WDR17: variants seen among roughly 807,000 people sequenced by gnomAD.
WDR17 encodes WD repeat-containing protein 17.
A neutral mutation model predicts 161.7 loss-of-function variants in WDR17; 143 were observed. The ratio of observed to expected loss-of-function variants is 0.88; its 90% CI spans 0.77 to 1.02. WDR17 has a LOEUF of 1.02. Ranked by LOEUF, WDR17 falls within the 50% of genes least tolerant of loss-of-function variation. WDR17 has a pLI of 0.00. For missense variants in WDR17, 1,469 were observed against 1,520.9 expected (o/e 0.97, Z 0.57); for synonymous variants, 517 against 515.6 (o/e 1.00, Z -0.04).
At chr4:176,133,104 A>AAAATATAC (rs1244655711) in intron 7 of WDR17, among the ~76,000 whole-genome samples, 1 of 151,464 alleles carries the variant, frequency 6.6e-6, no homozygotes, top group East Asian at 1.9e-4. Flanking sequence ...GAAAAAAGAA[A>AAAATATAC]AAATATACTA....
At chr4:176,155,720 T>C (rs1748008124) in intron 17 of WDR17, among the ~76,000 whole-genome samples, 1 of 145,170 alleles carries the variant, frequency 6.9e-6, no homozygotes, top group African/African-American at 2.5e-5. Flanking sequence ...AATTAAAATA[T>C]ATATATATAT....
chr4:176,081,121 A>T (rs537342327), intron 1 of WDR17, among the ~76,000 whole-genome samples: 15 of 152,176 alleles, frequency 9.9e-5, no homozygotes, highest in Non-Finnish European at 1.9e-4. Context: ...TCATCTACTT[A>T]TACATGTTTT....
intron 4 of WDR17, among the ~76,000 whole-genome samples, chr4:176,120,319 TAA>T (rs1554023203): frequency 8.6e-5 from 12 of 138,756 alleles, no homozygotes; most frequent in African/African-American, 3.2e-4. Flanking sequence ...TATATATATA[TAA>T]TACATTCAAC....
intron 7 of WDR17, 146 bp from the exon 8 acceptor site, chr4:176,134,962 A>G (rs1744159885): frequency 1.4e-6 from 1 of 730,824 alleles, no homozygotes; most frequent in Non-Finnish European, 2.2e-6. Flanking sequence ...TAGTGATTCC[A>G]GTTTTCTGTT....
chr4:176,163,552 A>G (rs1749356898), intron 22 of WDR17, among the ~76,000 whole-genome samples: 1 of 152,218 alleles, frequency 6.6e-6, no homozygotes, highest in Admixed American at 6.5e-5. Context: ...TTAAAGTATC[A>G]TGAGACAACA....
Position 176,115,805 on chromosome 4 carries a change from C to A in WDR17, c.133C>A (p.Arg45Ser), listed in dbSNP as rs201837131. Reference protein sequence around the residue: ...LAIYIYQLDHRYNEFKLHAIM... With the variant: ...LAIYIYQLDHSYNEFKLHAIM... ...ATATATTTTGTTTTAGTTGGATCAC[C>A]GTTATAATGAATTCAAACTTCACGC... Residue 45 changes from arginine (R) to serine (S), a missense_variant, in exon 3 of 29, where the codon CGT becomes AGT. Transcript: ENST00000508596. The A allele has an allele frequency of 6.3e-7, 1 of 1,596,528 alleles. No individual in the cohort carries two copies. Among genetic ancestry groups the A allele is most frequent in the South Asian group, 1.1e-5 (1 of 87,078 alleles).
intron 1 of WDR17, among the ~76,000 whole-genome samples, chr4:176,071,851 T>C (rs1733289722): frequency 6.6e-6 from 1 of 152,212 alleles, no homozygotes; most frequent in Admixed American, 6.5e-5. Context: ...TAAAAATATA[T>C]GTAAATAGAT....
At chr4:176,121,134 G>A (rs138414397) in intron 4 of WDR17, among the ~76,000 whole-genome samples, 16 of 152,286 alleles carry the variant, frequency 1.1e-4, no homozygotes, top group African/African-American at 3.9e-4. Context: ...CGTGGGGACA[G>A]TTTCATTGAT....
intron 17 of WDR17, among the ~76,000 whole-genome samples, chr4:176,155,248 T>A (rs1252586102): frequency 1.3e-5 from 2 of 152,046 alleles, no homozygotes; most frequent in African/African-American, 4.8e-5. Flanking sequence ...CTTCCGTTTT[T>A]CTCTTTCTTT....
At chr4:176,084,091 C>T (rs1295608569) in intron 1 of WDR17, among the ~76,000 whole-genome samples, 1 of 151,650 alleles carries the variant, frequency 6.6e-6, no homozygotes, top group Admixed American at 6.6e-5. Context: ...AACATTTTCT[C>T]CCTTGCCTTT....
intron 11 of WDR17, 110 bp from the exon 12 acceptor site, chr4:176,145,885 A>T: frequency 2.0e-6 from 2 of 1,007,848 alleles, no homozygotes; most frequent in Non-Finnish European, 2.8e-6. Flanking sequence ...GTCTAACTTC[A>T]CTAAGGAAGC....
At chr4:176,090,333 C>T (rs1735962609) in intron 1 of WDR17, among the ~76,000 whole-genome samples, 1 of 151,762 alleles carries the variant, frequency 6.6e-6, no homozygotes, top group African/African-American at 2.4e-5. Flanking sequence ...TCTCTGCGCA[C>T]ACCAGCTCCT....
rs138298567 is a variant in WDR17 at position 176,165,064 on chromosome 4, C to T, written c.2990+1771C>T. Among the ~76,000 whole-genome samples, 25 of 151,928 alleles carry T rather than the reference C, an allele frequency of 1.6e-4. No individual in the cohort carries two copies. In the East Asian group the frequency reaches 1.7e-3, roughly 11 times the overall value. On this transcript the variant is annotated intron_variant, in intron 22 of 28. Transcript: ENST00000508596. ...TAAAAGGGCCAAGCACAGTGGCTCACGCCTGTAATCCCAGCACTTTGTGAG... is the reference window on the plus strand; with the variant it reads ...TAAAAGGGCCAAGCACAGTGGCTCATGCCTGTAATCCCAGCACTTTGTGAG...
At chr4:176,110,657 C>G (rs1579074895) in intron 1 of WDR17, among the ~76,000 whole-genome samples, 1 of 152,108 alleles carries the variant, frequency 6.6e-6, no homozygotes, top group East Asian at 1.9e-4. Flanking sequence ...TGTCTGTTCT[C>G]CAGTATCTTA....
chr4:176,158,828 C>T (rs1748557412), intron 18 of WDR17, among the ~76,000 whole-genome samples: 1 of 152,190 alleles, frequency 6.6e-6, no homozygotes, highest in African/African-American at 2.4e-5. Context: ...AGAAAGTGGT[C>T]TCTCCACAAC....
chr4:176,112,634 G>A (rs116299026), intron 2 of WDR17, among the ~76,000 whole-genome samples: 260 of 151,982 alleles, frequency 1.7e-3, no homozygotes, highest in African/African-American at 6.0e-3. Flanking sequence ...CTCATCTTTC[G>A]AATCTCAGCT....
At chr4:176,160,211 A>C in intron 19 of WDR17, 85 bp downstream of exon 19, 1 of 1,492,822 alleles carries the variant, frequency 6.7e-7, no homozygotes, top group African/African-American at 1.4e-5. Flanking sequence ...GCTCACCCTT[A>C]CATAATTGAC....
At chr4:176,127,953 G>A (rs1221738802) in intron 5 of WDR17, among the ~76,000 whole-genome samples, 1 of 152,040 alleles carries the variant, frequency 6.6e-6, no homozygotes, top group Non-Finnish European at 1.5e-5. Flanking sequence ...GAGTTTTCAA[G>A]GTTCATCCAT....
At chr4:176,159,279 A>ACG (rs1748652639) in intron 18 of WDR17, among the ~76,000 whole-genome samples, 7 of 148,786 alleles carry the variant, frequency 4.7e-5, no homozygotes, top group African/African-American at 7.6e-5. Flanking sequence ...ACACATGCAC[A>ACG]CACACACACA....
Sources: gnomAD v4.1 joint callset for allele counts (sites outside exome capture counted in the v4.1 genomes callset) on GRCh38, gnomAD v4.1.1 for gene constraint, MANE v1.5 for transcripts, NCBI Gene and HGNC (gene_info 2026-07-23, HGNC 2026-07-21) for gene names.